ITPR2: variants seen among roughly 807,000 people sequenced by gnomAD.
ITPR2 encodes inositol 1,4,5-trisphosphate-gated calcium channel ITPR2.
In ITPR2, 207 loss-of-function variants were observed where a neutral mutation model predicts 317.1. That is an observed-to-expected ratio of 0.65 (90% CI 0.58 to 0.73). ITPR2 has a LOEUF of 0.73. Among genes scored for constraint, ITPR2 ranks in the 30% least tolerant of loss-of-function variants. ITPR2 has a pLI of 0.00. For missense variants in ITPR2, 2,613 were observed against 3,284.0 expected (o/e 0.80, Z 4.99); for synonymous variants, 1,156 against 1,149.1 (o/e 1.01, Z -0.12).
Position 26,419,768 on chromosome 12 carries a change from C to A in ITPR2, c.6946-555G>T, listed in dbSNP as rs906729956. The A allele has an allele frequency of 7.9e-5, 12 of 151,984 alleles. No homozygotes were observed. In the East Asian group the frequency reaches 2.3e-3, roughly 29 times the overall value. The allele number at this position is 151,984 out of a possible 1,614,324, so 9.4% of individuals were successfully genotyped here. On this transcript the variant is annotated intron_variant, in intron 49 of 56. Coordinates refer to ENST00000381340, the MANE Select transcript of ITPR2 (RefSeq NM_002223.4). ...ATGCTGTAAATATAACAGAAAATAT[C>A]TTTTCAGGAAATGTCCAGAGATCTG...
chr12:26,421,387 G>A (rs892126478), intron 49 of ITPR2: 6 of 152,096 alleles, frequency 3.9e-5, no homozygotes, highest in African/African-American at 1.4e-4. Flanking sequence ...ACCTATTTCT[G>A]TTGAGATAAA....
rs776160972 is a variant in ITPR2, at chr12:26,439,114, T to C, written c.6643+13A>G. 1.3e-5 allele frequency: 21 copies of C among 1,564,850 alleles called. No homozygotes were observed. The South Asian group carries it at 2.2e-4, about 16-fold the overall frequency. On this transcript the variant is annotated intron_variant, in intron 47 of 56. Coordinates refer to ENST00000381340, the MANE Select transcript of ITPR2 (RefSeq NM_002223.4). The stretch of plus-strand genomic sequence containing the variant: ...TATGCACAAAACTAACCATTTCAGT[T>C]TACTGTACTTACTCCTGATTTTCTT...
In ITPR2 at chr12:26,561,899, G is replaced by C; in HGVS notation, c.4684C>G (p.Leu1562Val). Residue 1562 changes from leucine to valine, a missense_variant, in exon 35 of 57, where the codon CTT becomes GTT. Coordinates refer to ENST00000381340, the MANE Select transcript of ITPR2 (RefSeq NM_002223.4). ...PVDLDSQVNT[L>V]FMKSHSNMVQ... is the part of the protein sequence containing the mutation. ...ATATTTGAATGGCTCTTCATGAAAA[G>C]AGTATTAACTTGGCTGTCCAAATCC... The C allele has an allele frequency of 6.3e-7, 1 of 1,578,260 alleles. No homozygotes were observed. The highest frequency in any genetic ancestry group is 8.5e-7 in the Non-Finnish European group (1 of 1,169,850).
At chr12:26,542,742 G>T (rs1380394218) in intron 37 of ITPR2, among the ~76,000 whole-genome samples, 2 of 152,104 alleles carry the variant, frequency 1.3e-5, no homozygotes, top group Non-Finnish European at 2.9e-5. Context: ...TAAGAATATT[G>T]AACTTTACTA....
intron 2 of ITPR2, among the ~76,000 whole-genome samples, chr12:26,781,925 G>A (rs967684200): frequency 6.7e-6 from 1 of 149,584 alleles, no homozygotes; most frequent in Middle Eastern, 3.5e-3. Flanking sequence ...CTTCAGCTTT[G>A]GGACTCAGAT....
At chr12:26,538,916 T>C (rs1168262610) in intron 37 of ITPR2, among the ~76,000 whole-genome samples, 1 of 152,206 alleles carries the variant, frequency 6.6e-6, no homozygotes, top group Non-Finnish European at 1.5e-5. Flanking sequence ...ACTGTGCCTT[T>C]CTTTTTATCT....
At chr12:26,666,135 GAGAT>G (rs71437306) in intron 13 of ITPR2, 84 bp from the exon 14 acceptor site, 23 of 411,772 alleles carry the variant, frequency 5.6e-5, no homozygotes, top group South Asian at 1.3e-4. Flanking sequence ...TAGGTAGGTA[GAGAT>G]AGATAGATAG....
chr12:26,664,580 G>C (rs2136922414), intron 14 of ITPR2, among the ~76,000 whole-genome samples: 1 of 152,128 alleles, frequency 6.6e-6, no homozygotes, highest in East Asian at 1.9e-4. Flanking sequence ...AGCGGTCAAG[G>C]GCATGAACAT....
intron 32 of ITPR2, among the ~76,000 whole-genome samples, chr12:26,592,868 C>G (rs1945741851): frequency 6.6e-6 from 1 of 152,098 alleles, no homozygotes; most frequent in Admixed American, 6.5e-5. Context: ...CTAGTTTTTC[C>G]CTATGCTGAA....
chr12:26,610,214 G>C (rs1173442044), intron 26 of ITPR2, among the ~76,000 whole-genome samples: 1 of 152,220 alleles, frequency 6.6e-6, no homozygotes. Context: ...ACCAGATTCT[G>C]TCAAAAGTCA....
chr12:26,362,660 C>T (rs898738382), intron 55 of ITPR2, among the ~76,000 whole-genome samples: 4 of 152,196 alleles, frequency 2.6e-5, no homozygotes, highest in African/African-American at 9.7e-5. Flanking sequence ...ATAAACTGCT[C>T]TTCTGCTCAA....
At chr12:26,825,373 T>C (rs1950994028) in intron 1 of ITPR2, among the ~76,000 whole-genome samples, 1 of 152,222 alleles carries the variant, frequency 6.6e-6, no homozygotes, top group Non-Finnish European at 1.5e-5. Flanking sequence ...ATAGCATAAA[T>C]CGGTCATAAA....
chr12:26,817,014 C>T (rs1284182281), intron 1 of ITPR2, among the ~76,000 whole-genome samples: 2 of 151,632 alleles, frequency 1.3e-5, no homozygotes, highest in Non-Finnish European at 2.9e-5. Context: ...CCCATCTCTA[C>T]TAAAAAATAC....
intron 49 of ITPR2, chr12:26,419,531 T>C (rs1013492525): frequency 5.2e-6 from 1 of 190,552 alleles, no homozygotes; most frequent in African/African-American, 2.4e-5. Flanking sequence ...TGGATTTAAA[T>C]CTTGGCTCTT....
At chr12:26,721,743 T>A (rs780148201) in intron 5 of ITPR2, among the ~76,000 whole-genome samples, 11 of 152,148 alleles carry the variant, frequency 7.2e-5, no homozygotes, top group Non-Finnish European at 1.3e-4. Context: ...CAGCAACTAC[T>A]AAAATTTATG....
chr12:26,512,859 G>A (rs146573496), intron 37 of ITPR2, among the ~76,000 whole-genome samples: 109 of 144,114 alleles, frequency 7.6e-4, no homozygotes, highest in African/African-American at 1.1e-3. Context: ...GTTTTGCTCC[G>A]TCACCCAGGC....
chr12:26,794,590 C>A (rs987802702), intron 1 of ITPR2, among the ~76,000 whole-genome samples: 1 of 152,180 alleles, frequency 6.6e-6, no homozygotes, highest in Non-Finnish European at 1.5e-5. Flanking sequence ...TGTGAATTCC[C>A]AGAGCAATTT....
At chr12:26,412,364 C>T (rs1390619525) in intron 51 of ITPR2, among the ~76,000 whole-genome samples, 1 of 152,142 alleles carries the variant, frequency 6.6e-6, no homozygotes, top group Non-Finnish European at 1.5e-5. Flanking sequence ...GAGCTAGTGT[C>T]CTCCCCAGAC....
chr12:26,567,602 T>C (rs1380461025), intron 34 of ITPR2, among the ~76,000 whole-genome samples: 1 of 152,132 alleles, frequency 6.6e-6, no homozygotes, highest in African/African-American at 2.4e-5. Flanking sequence ...AGAAAAAGAT[T>C]TTTTGAGTCA....
Sources: gnomAD v4.1 joint callset for allele counts (sites outside exome capture counted in the v4.1 genomes callset) on GRCh38, gnomAD v4.1.1 for gene constraint, MANE v1.5 for transcripts, NCBI Gene and HGNC (gene_info 2026-07-23, HGNC 2026-07-21) for gene names.